Variants in CORIN observed in about 807,000 individuals in gnomAD.
CORIN encodes the protein corin, serine peptidase, also known as atrial natriuretic peptide-converting enzyme.
Under a neutral mutation model 125.3 loss-of-function variants are expected in CORIN, and 117 were observed. The observed-to-expected ratio is 0.93, with a 90% CI of 0.80 to 1.09. The LOEUF (loss-of-function observed/expected upper bound fraction) is 1.09. Ranked by LOEUF, CORIN falls within the 50% of genes least tolerant of loss-of-function variation. The pLI, the probability that CORIN is intolerant of heterozygous loss-of-function variation, is 0.00. For synonymous variants in CORIN, 450 were observed against 466.4 expected (o/e 0.96, Z 0.45); for missense variants, 1,253 against 1,306.7 (o/e 0.96, Z 0.63).
chr4:47,763,249 A>G (rs1040815719), intron 4 of CORIN, 130 bp downstream of exon 4: 38 of 662,222 alleles, frequency 5.7e-5, no homozygotes, highest in Non-Finnish European at 8.9e-5. Context: ...TCAAAGAATT[A>G]GAACTAGCCA....
At chr4:47,749,045 T>A (rs1019316148) in intron 4 of CORIN, among the ~76,000 whole-genome samples, 7 of 152,176 alleles carry the variant, frequency 4.6e-5, no homozygotes. Context: ...CAATTGTCAC[T>A]TTTTACTTTT....
intron 5 of CORIN, among the ~76,000 whole-genome samples, chr4:47,728,995 A>T (rs1193264394): frequency 6.6e-6 from 1 of 152,242 alleles, no homozygotes; most frequent in Non-Finnish European, 1.5e-5. Flanking sequence ...ATAGAAACTT[A>T]ATCTCAAATG....
chr4:47,634,245 T>C (rs1722942923), intron 16 of CORIN, among the ~76,000 whole-genome samples: 1 of 152,190 alleles, frequency 6.6e-6, no homozygotes, highest in Non-Finnish European at 1.5e-5. Flanking sequence ...AAGTAACTTT[T>C]CTGCAAGCCA....
intron 7 of CORIN, 174 bp downstream of exon 7, chr4:47,683,557 A>G: frequency 1.8e-6 from 1 of 541,668 alleles, no homozygotes; most frequent in South Asian, 2.5e-5. Context: ...ACATTTACAC[A>G]TAAGACATTA....
chr4:47,765,315 A>C (rs1448201889), intron 3 of CORIN, among the ~76,000 whole-genome samples: 29 of 150,552 alleles, frequency 1.9e-4, no homozygotes, highest in African/African-American at 4.4e-4. Context: ...CGTCCCCCAA[A>C]AAAAAAAAAA....
intron 3 of CORIN, among the ~76,000 whole-genome samples, chr4:47,784,319 A>C (rs1309533613): frequency 6.6e-6 from 1 of 152,212 alleles, no homozygotes; most frequent in East Asian, 1.9e-4. Context: ...GGAAAGACTA[A>C]TGCTAACTGT....
intron 19 of CORIN, among the ~76,000 whole-genome samples, chr4:47,621,693 G>C (rs946308476): frequency 1.3e-5 from 2 of 151,878 alleles, no homozygotes; most frequent in Non-Finnish European, 2.9e-5. Flanking sequence ...GTATCAATTT[G>C]GCTGGGCCAC....
At chr4:47,642,133 T>G in intron 15 of CORIN, 84 bp from the exon 16 acceptor site, 1 of 1,364,398 alleles carries the variant, frequency 7.3e-7, no homozygotes, top group Non-Finnish European at 1.0e-6. Context: ...CTCTGCTTCA[T>G]TGGCATACAT....
chr4:47,698,327 C>T (rs1726127880), intron 5 of CORIN, among the ~76,000 whole-genome samples: 1 of 151,680 alleles, frequency 6.6e-6, no homozygotes, highest in Admixed American at 6.6e-5. Context: ...CTCACTCAAA[C>T]CTGACATTTG....
At position 47,621,040 on chromosome 4, in the gene CORIN, A is replaced by T. The variant is rs1290512265; in HGVS notation, c.2540+2531T>A. Among the ~76,000 whole-genome samples the T allele has an allele frequency of 2.6e-5, 4 of 152,356 alleles. No individual in the cohort carries two copies. In the South Asian group the frequency reaches 6.2e-4, roughly 24 times the overall value. On this transcript the variant is annotated intron_variant, in intron 19 of 21. Transcript: ENST00000273857. Reference sequence around the variant, plus strand: ...TTGCCTCGAATTTTTGCTATTATTTAATATTACTTCATTTAAATAAAGTAA... The same window carrying T: ...TTGCCTCGAATTTTTGCTATTATTTTATATTACTTCATTTAAATAAAGTAA...
At chr4:47,628,302 C>T (rs1443979724) in intron 16 of CORIN, among the ~76,000 whole-genome samples, 1 of 151,782 alleles carries the variant, frequency 6.6e-6, no homozygotes, top group Non-Finnish European at 1.5e-5. Context: ...CTTTTTTTTC[C>T]AGCTTTATTG....
intron 3 of CORIN, among the ~76,000 whole-genome samples, chr4:47,771,641 T>G (rs1349165794): frequency 6.6e-6 from 1 of 152,174 alleles, no homozygotes; most frequent in Non-Finnish European, 1.5e-5. Flanking sequence ...TCCCTCTATG[T>G]GTCCATGTGT....
chr4:47,677,415 A>G lies in CORIN; in HGVS notation c.1249+523T>C, dbSNP rs558813408. 9.4e-4 allele frequency among the ~76,000 whole-genome samples: 143 copies of G among 152,362 alleles called. 1 individual carries two copies. The highest frequency in any genetic ancestry group is 3.3e-3 in the African/African-American group (138 of 41,568). Reference sequence around the variant, plus strand: ...AGGCTTCCACACACACTGGAGCTGCATAGAACTTTCTTTTCTGACAGAAAT... The same window carrying G: ...AGGCTTCCACACACACTGGAGCTGCGTAGAACTTTCTTTTCTGACAGAAAT... On this transcript the variant is annotated intron_variant, in intron 9 of 21. Coordinates refer to ENST00000273857, the MANE Select transcript of CORIN (RefSeq NM_006587.4).
At chr4:47,704,546 A>G (rs2109764753) in intron 5 of CORIN, among the ~76,000 whole-genome samples, 1 of 152,256 alleles carries the variant, frequency 6.6e-6, no homozygotes, top group East Asian at 1.9e-4. Flanking sequence ...GAAGAAATGT[A>G]CAGAAAATAT....
chr4:47,648,395 T>C (rs1306204808), intron 13 of CORIN, among the ~76,000 whole-genome samples: 1 of 152,178 alleles, frequency 6.6e-6, no homozygotes, highest in Non-Finnish European at 1.5e-5. Context: ...GAGCACAAAG[T>C]GTCCCTTGTT....
At chr4:47,647,892 T>C (rs1195751204) in intron 13 of CORIN, among the ~76,000 whole-genome samples, 1 of 152,194 alleles carries the variant, frequency 6.6e-6, no homozygotes, top group Non-Finnish European at 1.5e-5. Context: ...TTGGTTTCCA[T>C]ACATCTTAAA....
At chr4:47,781,652 T>C (rs1730552613) in intron 3 of CORIN, among the ~76,000 whole-genome samples, 1 of 152,214 alleles carries the variant, frequency 6.6e-6, no homozygotes, top group Non-Finnish European at 1.5e-5. Flanking sequence ...ATCCACAAAA[T>C]AGGCTTTAAA....
At chr4:47,812,367 T>C (rs1732099464) in intron 1 of CORIN, among the ~76,000 whole-genome samples, 1 of 152,114 alleles carries the variant, frequency 6.6e-6, no homozygotes, top group Non-Finnish European at 1.5e-5. Context: ...TAGCCAAGCA[T>C]GGTGGTTGTT....
chr4:47,714,276 T>G (rs1277022361), intron 5 of CORIN, among the ~76,000 whole-genome samples: 1 of 152,216 alleles, frequency 6.6e-6, no homozygotes, highest in African/African-American at 2.4e-5. Context: ...TTTCTATGTA[T>G]GTCTAATATA....
Sources: allele counts gnomAD v4.1 joint callset (sites outside exome capture counted in the v4.1 genomes callset), GRCh38; gene constraint gnomAD v4.1.1; transcripts MANE v1.5; gene names NCBI Gene and HGNC (gene_info 2026-07-23, HGNC 2026-07-21).